The following SYNPO2 variants were observed in gnomAD, a reference collection of about 807,000 sequenced individuals.
The protein encoded by SYNPO2 is synaptopodin 2.
SYNPO2 carries 56 observed loss-of-function variants against 85.0 expected under a neutral mutation model. The ratio of observed to expected loss-of-function variants is 0.66; its 90% CI spans 0.53 to 0.82. The LOEUF is 0.82. Among genes scored for constraint, SYNPO2 ranks in the 40% least tolerant of loss-of-function variants. The pLI is 0.00. For missense variants in SYNPO2, 1,575 were observed against 1,534.2 expected (o/e 1.03, Z -0.44); for synonymous variants, 602 against 591.1 (o/e 1.02, Z -0.27).
intron 1 of SYNPO2, among the ~76,000 whole-genome samples, chr4:118,911,807 C>A (rs1383382449): frequency 6.6e-6 from 1 of 152,128 alleles, no homozygotes; most frequent in Non-Finnish European, 1.5e-5. Flanking sequence ...ATCCCATTTT[C>A]ATTCAGCAAC....
intron 1 of SYNPO2, among the ~76,000 whole-genome samples, chr4:118,955,519 G>C (rs905140440): frequency 1.3e-5 from 2 of 152,108 alleles, no homozygotes; most frequent in African/African-American, 4.8e-5. Flanking sequence ...AAGATTCTTA[G>C]GAAGAAAACT....
chr4:118,875,375 A>G (rs922379510), intron 1 of SYNPO2, among the ~76,000 whole-genome samples: 1 of 147,454 alleles, frequency 6.8e-6, no homozygotes, highest in Admixed American at 6.7e-5. Flanking sequence ...ATTTTGTAAT[A>G]TCATATTTTA....
intron 1 of SYNPO2, among the ~76,000 whole-genome samples, chr4:118,897,109 G>C (rs900987175): frequency 5.3e-5 from 8 of 152,136 alleles, no homozygotes; most frequent in Admixed American, 2.0e-4. Flanking sequence ...TCACATGGCT[G>C]GGGAGGCCTC....
At chr4:119,007,287 TA>T (rs1286758485) in intron 1 of SYNPO2, among the ~76,000 whole-genome samples, 1 of 79,920 alleles carries the variant, frequency 1.3e-5, no homozygotes, top group Non-Finnish European at 2.4e-5. Flanking sequence ...TATATACATA[TA>T]TATATATATG....
chr4:118,854,777 A>G (rs1026692075), intron 1 of SYNPO2, among the ~76,000 whole-genome samples: 1 of 152,220 alleles, frequency 6.6e-6, no homozygotes, highest in African/African-American at 2.4e-5. Flanking sequence ...TTGAAGTTAT[A>G]GTTGTCAAAT....
At chr4:118,992,006 TAA>T (rs757867405) in intron 1 of SYNPO2, among the ~76,000 whole-genome samples, 4 of 152,030 alleles carry the variant, frequency 2.6e-5, no homozygotes, top group Non-Finnish European at 5.9e-5. Context: ...TGTAGAGTCT[TAA>T]AAGAGTCTGA....
intron 1 of SYNPO2, among the ~76,000 whole-genome samples, chr4:118,978,620 G>A (rs1277534155): frequency 6.6e-6 from 1 of 152,032 alleles, no homozygotes; most frequent in Non-Finnish European, 1.5e-5. Context: ...TTCCTGAAAC[G>A]GAAAAACATT....
chr4:118,992,449 C>A (rs2149168630), intron 1 of SYNPO2, among the ~76,000 whole-genome samples: 1 of 152,304 alleles, frequency 6.6e-6, no homozygotes, highest in Non-Finnish European at 1.5e-5. Context: ...CGGAAGCACA[C>A]ATTCCAGGAG....
In SYNPO2 at chr4:119,034,133, GGAAATCTGTT is replaced by G. The variant is rs1354335342; in HGVS notation, c.3252+2110_3252+2119del. The G allele has an allele frequency of 6.1e-6, 6 of 985,338 alleles. No homozygotes were observed. In the African/African-American group the frequency reaches 8.7e-5, roughly 14 times the overall value. The allele number at this position is 985,338 out of a possible 1,614,324, so 61.0% of individuals were successfully genotyped here. On this transcript the variant is annotated intron_variant, in intron 4 of 4. Transcript: ENST00000307142. ...GTTTGTATTACTTGTTCCCTGCAAAGGAAATCTGTTGAATGCTTGCATTTTGAATTCTTTT... is the reference window on the plus strand; with the variant it reads ...GTTTGTATTACTTGTTCCCTGCAAAGGAATGCTTGCATTTTGAATTCTTTT...
At chr4:119,054,647 T>A (rs1561033637) in intron 4 of SYNPO2, among the ~76,000 whole-genome samples, 1 of 152,092 alleles carries the variant, frequency 6.6e-6, no homozygotes, top group East Asian at 1.9e-4. Context: ...CGACTGAGTC[T>A]GGGGTCTTTA....
At position 119,031,964 on chromosome 4, in the gene SYNPO2, A is replaced by G; in HGVS notation, c.3189A>G (p.Ser1063=). ...IPTSPKQESA[S]SSYFVAPRPK... ...CCTCGCCAAAGCAAGAATCAGCCTC[A>G]TCATCTTATTTTGTGGCACCAAGGC... is the stretch of plus-strand genomic sequence containing the variant. The change falls in exon 4 of 5, where the codon TCA becomes TCG. Residue 1063 remains serine (S), a synonymous_variant. Transcript: ENST00000307142. 1 of 1,614,238 alleles carries G rather than the reference A, an allele frequency of 6.2e-7. No homozygotes were observed. The highest frequency in any genetic ancestry group is 8.5e-7 in the Non-Finnish European group (1 of 1,180,034).
chr4:118,922,923 G>A (rs1172875365), intron 1 of SYNPO2, among the ~76,000 whole-genome samples: 1 of 151,998 alleles, frequency 6.6e-6, no homozygotes, highest in African/African-American at 2.4e-5. Flanking sequence ...AGCCATATTT[G>A]GACTAGCTGG....
At chr4:118,900,601 A>G (rs780819134) in intron 1 of SYNPO2, among the ~76,000 whole-genome samples, 2 of 151,226 alleles carry the variant, frequency 1.3e-5, no homozygotes, top group South Asian at 2.1e-4. Context: ...GAACTTGCCT[A>G]CAAGTAATGC....
Position 119,031,629 on chromosome 4 carries a change from A to T in SYNPO2, c.2854A>T (p.Lys952Ter), listed in dbSNP as rs1251346371. 1 of 1,614,206 alleles carries T rather than the reference A, an allele frequency of 6.2e-7. No individual in the cohort carries two copies. Among genetic ancestry groups the T allele is most frequent in the Admixed American group, 1.7e-5 (1 of 60,030 alleles). The change falls in exon 4 of 5, where the codon AAG (lysine) becomes TAG (stop). Residue 952 changes from lysine (K) to a stop codon, truncating the protein, a stop_gained. Coordinates refer to ENST00000307142, the MANE Select transcript of SYNPO2 (RefSeq NM_133477.3). LOFTEE classifies it high-confidence loss of function. ...PSAAQPSKMG[K>*]KKGKKPLNAL... ...AGCTGCACAGCCCTCCAAAATGGGC[A>T]AGAAAAAGGGAAAGAAACCCCTCAA...
At chr4:118,980,042 G>A (rs1341028688) in intron 1 of SYNPO2, among the ~76,000 whole-genome samples, 1 of 152,164 alleles carries the variant, frequency 6.6e-6, no homozygotes, top group African/African-American at 2.4e-5. Context: ...GAAGAATAAA[G>A]TTGGATACAT....
intron 1 of SYNPO2, among the ~76,000 whole-genome samples, chr4:118,998,644 G>T (rs191655224): frequency 2.0e-5 from 3 of 152,330 alleles, no homozygotes; most frequent in Admixed American, 1.3e-4. Flanking sequence ...GTCTGTGCTA[G>T]TTTCAGCTGT....
At chr4:118,960,198 A>G (rs1380163631) in intron 1 of SYNPO2, among the ~76,000 whole-genome samples, 1 of 152,192 alleles carries the variant, frequency 6.6e-6, no homozygotes, top group Non-Finnish European at 1.5e-5. Context: ...GTACTCCAGA[A>G]CTGTGAATGA....
chr4:118,880,937 T>C (rs1428152544), intron 1 of SYNPO2, among the ~76,000 whole-genome samples: 1 of 152,078 alleles, frequency 6.6e-6, no homozygotes, highest in Non-Finnish European at 1.5e-5. Flanking sequence ...GAAAGGATCT[T>C]TAAAGAGATA....
intron 1 of SYNPO2, among the ~76,000 whole-genome samples, chr4:118,940,325 T>G (rs1734264833): frequency 6.6e-6 from 1 of 152,042 alleles, no homozygotes; most frequent in South Asian, 2.1e-4. Context: ...TTTCTGTCAG[T>G]GTGTGTGAGC....
Sources: gnomAD v4.1 joint callset for allele counts (sites outside exome capture counted in the v4.1 genomes callset) on GRCh38, gnomAD v4.1.1 for gene constraint, MANE v1.5 for transcripts, NCBI Gene and HGNC (gene_info 2026-07-23, HGNC 2026-07-21) for gene names.